The following TNNI3K variants were observed in gnomAD, a reference collection of about 807,000 sequenced individuals.
TNNI3K encodes serine/threonine-protein kinase TNNI3K.
Under a neutral mutation model 114.5 loss-of-function variants are expected in TNNI3K, and 140 were observed. That is an observed-to-expected ratio of 1.22 (90% CI 1.07 to 1.41). The LOEUF (loss-of-function observed/expected upper bound fraction) is 1.41, where lower values mean the gene tolerates loss of function less well. Among genes scored for constraint, TNNI3K ranks in the 40% most tolerant of loss-of-function variants. The probability of loss-of-function intolerance (pLI) is 0.00; values close to 1 mark genes in which losing one functional copy is unlikely to be tolerated. For missense variants in TNNI3K, 1,125 were observed against 1,007.6 expected (o/e 1.12, Z -1.58); for synonymous variants, 347 against 347.5 (o/e 1.00, Z 0.02).
chr1:74,280,381 CA>C lies in TNNI3K; in HGVS notation c.444+8683del, dbSNP rs553856449. 1.4e-3 allele frequency among the ~76,000 whole-genome samples: 188 copies of C among 138,166 alleles called. 1 individual carries two copies. The highest frequency in any genetic ancestry group is 9.0e-3 in the South Asian group (36 of 4,014). 90.6% of individuals were successfully genotyped at this position (138,166 alleles called of 152,430 possible). On this transcript the variant is annotated intron_variant, in intron 5 of 24. Coordinates refer to ENST00000326637, the MANE Select transcript of TNNI3K (RefSeq NM_015978.3). Reference sequence around the variant, plus strand: ...TAGGTGACAGAGCGAAACTCCATCTCAAAAAAAAAATAAAATAAAATAAAAA... The same window carrying C: ...TAGGTGACAGAGCGAAACTCCATCTCAAAAAAAAATAAAATAAAATAAAAA...
chr1:74,250,908 T>C (rs1654892238), intron 4 of TNNI3K, 139 bp downstream of exon 4: 1 of 633,350 alleles, frequency 1.6e-6, no homozygotes, highest in Non-Finnish European at 2.5e-6. Context: ...AAAGGACTTC[T>C]TTCTCTTTAT....
At chr1:74,504,053 G>T (rs1557612464) in intron 23 of TNNI3K, among the ~76,000 whole-genome samples, 7 of 152,144 alleles carry the variant, frequency 4.6e-5, no homozygotes, top group Admixed American at 3.9e-4. Flanking sequence ...CCTCTTCACC[G>T]CATCCCTAGG....
chr1:74,289,192 C>A (rs1253185466), intron 5 of TNNI3K, among the ~76,000 whole-genome samples: 1 of 151,852 alleles, frequency 6.6e-6, no homozygotes, highest in Non-Finnish European at 1.5e-5. Context: ...AACCAGAGAA[C>A]TTTGTTTTTC....
intron 13 of TNNI3K, among the ~76,000 whole-genome samples, chr1:74,368,364 A>T (rs1662393177): frequency 6.6e-6 from 1 of 151,908 alleles, no homozygotes; most frequent in South Asian, 2.1e-4. Context: ...TGTATGCTTC[A>T]CACAGAAATG....
intron 5 of TNNI3K, among the ~76,000 whole-genome samples, chr1:74,316,645 T>G (rs1659319693): frequency 6.6e-6 from 1 of 151,972 alleles, no homozygotes. Context: ...TCTGATACTG[T>G]CTAATTGCTT....
At position 74,544,155 on chromosome 1, in the gene TNNI3K, G is replaced by A; in HGVS notation, c.*173G>A. ...CACTATTAGCAGGCTTTGGATTTGT[G>A]CCTAAGGAATAATATGCAAAAGAAC... On this transcript the variant is annotated 3_prime_UTR_variant, in exon 25 of 25. Coordinates refer to ENST00000326637, the MANE Select transcript of TNNI3K (RefSeq NM_015978.3). 1.7e-6 allele frequency: 1 copy of A among 604,104 alleles called. No individual in the cohort carries two copies. Among genetic ancestry groups the A allele is most frequent in the Non-Finnish European group, 2.7e-6 (1 of 369,076 alleles). 37.4% of individuals were successfully genotyped at this position (604,104 alleles called of 1,614,324 possible).
At chr1:74,352,370 C>T (rs1469094629) in intron 9 of TNNI3K, among the ~76,000 whole-genome samples, 1 of 152,190 alleles carries the variant, frequency 6.6e-6, no homozygotes, top group Non-Finnish European at 1.5e-5. Context: ...AGGTGTCAGT[C>T]TGCCCCTACT....
intron 23 of TNNI3K, among the ~76,000 whole-genome samples, chr1:74,499,082 C>T (rs944557999): frequency 2.0e-5 from 3 of 152,142 alleles, no homozygotes; most frequent in African/African-American, 4.8e-5. Context: ...GAACAATGGA[C>T]AGAAACATCC....
chr1:74,376,491 T>C (rs1662910207), intron 17 of TNNI3K: 1 of 152,110 alleles, frequency 6.6e-6, no homozygotes, highest in South Asian at 2.1e-4. Context: ...ACTGATTATA[T>C]TACCATACTT....
intron 17 of TNNI3K, among the ~76,000 whole-genome samples, chr1:74,391,960 T>TTA (rs1557539069): frequency 2.7e-4 from 28 of 102,324 alleles, no homozygotes; most frequent in African/African-American, 1.3e-3. Context: ...GCTTATTATT[T>TTA]TTTTTTTTTT....
rs1394002714 is a variant in TNNI3K at position 74,369,187 on chromosome 1, T to C, written c.1415-20T>C. 5 of 1,604,534 alleles carry C rather than the reference T, an allele frequency of 3.1e-6. No individual in the cohort carries two copies. Among genetic ancestry groups the C allele is most frequent in the Middle Eastern group, 1.7e-4 (1 of 6,008 alleles). On this transcript the variant is annotated intron_variant, in intron 14 of 24. Transcript: ENST00000326637. ...GCTTAAGTTAATATGTGTTTATTTA[T>C]TTATTTTAAACAATTGTAGGTTCTT...
At chr1:74,452,693 T>C (rs72969838) in intron 20 of TNNI3K, among the ~76,000 whole-genome samples, 5,594 of 152,262 alleles carry the variant, frequency 0.037, 332 homozygotes, top group African/African-American at 0.13. Flanking sequence ...GACTTAAAAT[T>C]CCCAGTGTTT....
chr1:74,489,986 C>T (rs1668972986), intron 22 of TNNI3K, among the ~76,000 whole-genome samples: 3 of 138,012 alleles, frequency 2.2e-5, no homozygotes, highest in South Asian at 4.7e-4. Flanking sequence ...GAAATAGCAT[C>T]AACCTGAGAT....
chr1:74,507,230 C>G (rs45609532), intron 23 of TNNI3K, among the ~76,000 whole-genome samples: 12,966 of 140,352 alleles, frequency 0.092, 1,521 homozygotes, highest in African/African-American at 0.27. Context: ...TTCACCCCCC[C>G]CCCATCTTTT....
intron 21 of TNNI3K, among the ~76,000 whole-genome samples, chr1:74,486,353 CGTT>C (rs1570686604): frequency 1.3e-5 from 2 of 151,912 alleles, no homozygotes; most frequent in Admixed American, 6.6e-5. Context: ...CAGAGTTTCT[CGTT>C]GTTTTCTGTA....
At chr1:74,406,060 G>A (rs1158404367) in intron 17 of TNNI3K, among the ~76,000 whole-genome samples, 3 of 152,164 alleles carry the variant, frequency 2.0e-5, no homozygotes, top group South Asian at 2.1e-4. Context: ...TTGAGAGATG[G>A]GTCAGTTGAT....
intron 12 of TNNI3K, among the ~76,000 whole-genome samples, 164 bp downstream of exon 12, chr1:74,367,506 A>T (rs1662338652): frequency 6.6e-6 from 1 of 151,952 alleles, no homozygotes; most frequent in South Asian, 2.1e-4. Flanking sequence ...GAGGCTGAAC[A>T]TAAAGAAGCC....
At chr1:74,387,042 A>G (rs1237728861) in intron 17 of TNNI3K, among the ~76,000 whole-genome samples, 1 of 152,198 alleles carries the variant, frequency 6.6e-6, no homozygotes, top group African/African-American at 2.4e-5. Context: ...AGTATATATT[A>G]TCTATATTCA....
intron 5 of TNNI3K, among the ~76,000 whole-genome samples, chr1:74,302,632 A>G (rs1658395700): frequency 1.3e-5 from 2 of 152,238 alleles, no homozygotes; most frequent in Non-Finnish European, 2.9e-5. Context: ...ATGGATAGAA[A>G]GTCGAACTAG....
Sources: gnomAD v4.1 joint callset for allele counts (sites outside exome capture counted in the v4.1 genomes callset) on GRCh38, gnomAD v4.1.1 for gene constraint, MANE v1.5 for transcripts, NCBI Gene and HGNC (gene_info 2026-07-23, HGNC 2026-07-21) for gene names.